Variants in OPCML observed in about 807,000 individuals in gnomAD.
OPCML encodes opioid binding protein/cell adhesion molecule like, also known as opioid-binding protein/cell adhesion molecule.
OPCML carries 13 observed loss-of-function variants against 37.8 expected under a neutral mutation model. The observed-to-expected ratio is 0.34, with a 90% CI of 0.22 to 0.55. The LOEUF is 0.55. Ranked by LOEUF, OPCML falls within the 20% of genes least tolerant of loss-of-function variation. OPCML has a pLI of 0.91. For missense variants in OPCML, 341 were observed against 435.6 expected (o/e 0.78, Z 1.93); for synonymous variants, 176 against 168.8 (o/e 1.04, Z -0.33).
chr11:133,041,760 G>C (rs1252846553), intron 1 of OPCML, among the ~76,000 whole-genome samples: 2 of 152,176 alleles, frequency 1.3e-5, no homozygotes, highest in East Asian at 3.9e-4. Context: ...ATGGGAGAAT[G>C]TACTTAAAAA....
chr11:133,125,206 C>T (rs1358700307), intron 1 of OPCML, among the ~76,000 whole-genome samples: 1 of 152,054 alleles, frequency 6.6e-6, no homozygotes, highest in African/African-American at 2.4e-5. Context: ...TTGAGGAGGT[C>T]ACTTTATTAT....
chr11:132,812,887 G>A (rs1176214392), intron 2 of OPCML, among the ~76,000 whole-genome samples: 1 of 152,066 alleles, frequency 6.6e-6, no homozygotes, highest in Non-Finnish European at 1.5e-5. Flanking sequence ...CACATAATAT[G>A]TCCTCAAAAA....
At chr11:132,697,815 G>T (rs11826282) in intron 2 of OPCML, among the ~76,000 whole-genome samples, 4,339 of 151,996 alleles carry the variant, frequency 0.029, 210 homozygotes, top group African/African-American at 0.1. Context: ...GCCCAGGCTG[G>T]AGTGCAGTGG....
intron 1 of OPCML, among the ~76,000 whole-genome samples, chr11:133,154,219 TA>T (rs35932575): frequency 0.34 from 49,333 of 144,196 alleles, 8,998 homozygotes; most frequent in African/African-American, 0.51. Context: ...TGCTTCTGAT[TA>T]AAAAAAAAAA....
intron 1 of OPCML, among the ~76,000 whole-genome samples, chr11:133,408,073 G>A (rs559446012): frequency 5.9e-5 from 9 of 152,172 alleles, no homozygotes; most frequent in Admixed American, 4.6e-4. Flanking sequence ...TAAGTGAAAC[G>A]ATGTATAACA....
chr11:133,453,958 T>G (rs1946627306), intron 1 of OPCML, among the ~76,000 whole-genome samples: 1 of 152,154 alleles, frequency 6.6e-6, no homozygotes, highest in Non-Finnish European at 1.5e-5. Context: ...AGAAATCTGG[T>G]GGAAAAAATA....
chr11:133,020,776 G>T (rs541148121), intron 1 of OPCML, among the ~76,000 whole-genome samples: 1 of 152,190 alleles, frequency 6.6e-6, no homozygotes, highest in Non-Finnish European at 1.5e-5. Context: ...TGACTTAATG[G>T]TGTAGAAAAG....
At chr11:133,347,541 T>A (rs963773614) in intron 1 of OPCML, among the ~76,000 whole-genome samples, 3 of 152,156 alleles carry the variant, frequency 2.0e-5, no homozygotes, top group African/African-American at 4.8e-5. Flanking sequence ...CTGTATCCAA[T>A]ATGGAATTTA....
intron 1 of OPCML, among the ~76,000 whole-genome samples, chr11:133,471,785 G>A (rs1947122179): frequency 6.6e-6 from 1 of 152,188 alleles, no homozygotes. Flanking sequence ...TCAAAACATG[G>A]ATATGCTATA....
chr11:133,347,508 C>T (rs375662733), intron 1 of OPCML, among the ~76,000 whole-genome samples: 255 of 152,212 alleles, frequency 1.7e-3, no homozygotes, highest in African/African-American at 5.7e-3. Context: ...CTCAAAGGCT[C>T]TTAGGGAAGT....
intron 1 of OPCML, among the ~76,000 whole-genome samples, chr11:133,354,208 G>GTGT (rs1944211059): frequency 2.1e-5 from 2 of 97,488 alleles, no homozygotes; most frequent in Non-Finnish European, 2.1e-5. Context: ...GTTGATGGTG[G>GTGT]TGGTGATGAT....
intron 1 of OPCML, among the ~76,000 whole-genome samples, chr11:133,107,076 A>T (rs1301095486): frequency 6.6e-6 from 1 of 152,230 alleles, no homozygotes; most frequent in Non-Finnish European, 1.5e-5. Context: ...ACTTGGATCA[A>T]CAGGGAACTC....
intron 1 of OPCML, among the ~76,000 whole-genome samples, chr11:133,424,874 A>T (rs1945968830): frequency 6.6e-6 from 1 of 152,220 alleles, no homozygotes; most frequent in Admixed American, 6.5e-5. Context: ...AATAGAAACA[A>T]TCCACACCAT....
At chr11:133,216,766 G>C (rs746711685) in intron 1 of OPCML, among the ~76,000 whole-genome samples, 2 of 152,018 alleles carry the variant, frequency 1.3e-5, no homozygotes, top group African/African-American at 4.8e-5. Flanking sequence ...TAATGTGTAC[G>C]TACATTCATG....
At chr11:132,499,911 C>T (rs1352585139) in intron 4 of OPCML, among the ~76,000 whole-genome samples, 2 of 152,154 alleles carry the variant, frequency 1.3e-5, no homozygotes, top group Non-Finnish European at 2.9e-5. Context: ...GTTCCTGGCT[C>T]TTAGGCATAT....
At chr11:132,479,749 C>T (rs1234168461) in intron 4 of OPCML, among the ~76,000 whole-genome samples, 1 of 152,132 alleles carries the variant, frequency 6.6e-6, no homozygotes, top group Non-Finnish European at 1.5e-5. Flanking sequence ...TGGGAGGCAC[C>T]CCCCAGCAGG....
intron 1 of OPCML, among the ~76,000 whole-genome samples, chr11:133,266,079 C>A (rs936486247): frequency 2.0e-5 from 3 of 152,046 alleles, no homozygotes; most frequent in African/African-American, 7.2e-5. Flanking sequence ...AGAAAATAGA[C>A]ATTAAATCTC....
chr11:133,152,671 T>C (rs1950003815), intron 1 of OPCML, among the ~76,000 whole-genome samples: 1 of 152,052 alleles, frequency 6.6e-6, no homozygotes, highest in Non-Finnish European at 1.5e-5. Context: ...TGCAGGTAAA[T>C]TGTAATTAAT....
chr11:133,448,399 C>G (rs538654903), intron 1 of OPCML, among the ~76,000 whole-genome samples: 5 of 152,180 alleles, frequency 3.3e-5, no homozygotes, highest in Non-Finnish European at 5.9e-5. Context: ...CCATGAGCTA[C>G]ATGTCTAACC....
Sources: gnomAD v4.1 joint callset for allele counts (sites outside exome capture counted in the v4.1 genomes callset) on GRCh38, gnomAD v4.1.1 for gene constraint, MANE v1.5 for transcripts, NCBI Gene and HGNC (gene_info 2026-07-23, HGNC 2026-07-21) for gene names.